The following SLMAP variants were observed in gnomAD, a reference collection of about 807,000 sequenced individuals.
SLMAP encodes the protein sarcolemmal membrane-associated protein.
A neutral mutation model predicts 128.8 loss-of-function variants in SLMAP; 44 were observed. The observed-to-expected ratio is 0.34, with a 90% CI of 0.27 to 0.44. The LOEUF (loss-of-function observed/expected upper bound fraction) is 0.44, where lower values mean the gene tolerates loss of function less well. Among genes scored for constraint, SLMAP ranks in the 20% least tolerant of loss-of-function variants. The pLI is 1.00. For missense variants in SLMAP, 787 were observed against 985.3 expected (o/e 0.80, Z 2.69); for synonymous variants, 327 against 348.8 (o/e 0.94, Z 0.70).
At chr3:57,843,410 A>G (rs1352162705) in intron 4 of SLMAP, among the ~76,000 whole-genome samples, 1 of 144,890 alleles carries the variant, frequency 6.9e-6, no homozygotes, top group Non-Finnish European at 1.5e-5. Flanking sequence ...GGTTCAAGCA[A>G]TTCTTGTGCC....
chr3:57,925,972 C>G (rs2097000413), intron 24 of SLMAP, 38 bp downstream of exon 24: 8 of 1,435,080 alleles, frequency 5.6e-6, no homozygotes, highest in Non-Finnish European at 7.7e-6. Context: ...CTGTTTGTCC[C>G]CGTCACCTTT....
chr3:57,821,671 C>T (rs1186528152), intron 2 of SLMAP, among the ~76,000 whole-genome samples: 2 of 152,120 alleles, frequency 1.3e-5, no homozygotes, highest in Admixed American at 6.5e-5. Flanking sequence ...TGGTGACTCC[C>T]ACTGCAGTTC....
intron 3 of SLMAP, 146 bp downstream of exon 3, chr3:57,831,676 T>G (rs1238229840): frequency 2.0e-6 from 1 of 496,762 alleles, no homozygotes. Flanking sequence ...AAAAGTCTCA[T>G]ACTTTCCGTA....
intron 2 of SLMAP, among the ~76,000 whole-genome samples, chr3:57,804,381 A>C (rs1483339324): frequency 6.6e-6 from 1 of 152,238 alleles, no homozygotes; most frequent in African/African-American, 2.4e-5. Flanking sequence ...GTGATGATTA[A>C]GAAGTCAGGA....
At chr3:57,872,263 T>C (rs762734456) in intron 14 of SLMAP, among the ~76,000 whole-genome samples, 46 of 150,886 alleles carry the variant, frequency 3.0e-4, no homozygotes, top group African/African-American at 1.0e-3. Flanking sequence ...GATCGCACCA[T>C]TGCACTCCAG....
At chr3:57,779,945 T>A (rs2082674121) in intron 2 of SLMAP, among the ~76,000 whole-genome samples, 1 of 152,066 alleles carries the variant, frequency 6.6e-6, no homozygotes, top group East Asian at 1.9e-4. Flanking sequence ...ACTTTTTTTT[T>A]ATTGTTTCAT....
At chr3:57,791,456 G>A (rs2085437655) in intron 2 of SLMAP, among the ~76,000 whole-genome samples, 1 of 152,104 alleles carries the variant, frequency 6.6e-6, no homozygotes, top group African/African-American at 2.4e-5. Context: ...AAGCATGTAT[G>A]TCAAAACCCA....
intron 2 of SLMAP, among the ~76,000 whole-genome samples, chr3:57,823,884 G>T (rs2092725414): frequency 6.6e-6 from 1 of 152,146 alleles, no homozygotes; most frequent in African/African-American, 2.4e-5. Context: ...AGCACCTGTT[G>T]TTTCCTGACA....
intron 2 of SLMAP, among the ~76,000 whole-genome samples, chr3:57,763,278 T>G (rs1275315848): frequency 7.2e-6 from 1 of 138,842 alleles, no homozygotes; most frequent in African/African-American, 2.8e-5. Context: ...TTAGTGCATC[T>G]TTTTTTTTTT....
intron 15 of SLMAP, among the ~76,000 whole-genome samples, chr3:57,893,476 C>T (rs1426507636): frequency 6.6e-6 from 1 of 151,686 alleles, no homozygotes; most frequent in Non-Finnish European, 1.5e-5. Flanking sequence ...TCTCTGCCAT[C>T]AGGGAGTTAT....
chr3:57,859,452 G>A (rs1464651687), intron 8 of SLMAP, among the ~76,000 whole-genome samples: 5 of 152,076 alleles, frequency 3.3e-5, no homozygotes, highest in Admixed American at 1.3e-4. Context: ...CTACTCGGGA[G>A]GCTTAGGTGG....
intron 8 of SLMAP, among the ~76,000 whole-genome samples, chr3:57,859,346 G>A (rs943779837): frequency 7.5e-4 from 114 of 151,390 alleles, no homozygotes; most frequent in Non-Finnish European, 2.7e-4. Flanking sequence ...AAAAGCGGGG[G>A]CAGTTTGAGA....
intron 2 of SLMAP, 82 bp downstream of exon 2, chr3:57,757,931 C>T (rs2077886864): frequency 1.7e-6 from 2 of 1,207,428 alleles, no homozygotes; most frequent in African/African-American, 1.5e-5. Flanking sequence ...CTAATGTATG[C>T]AGGATCCCAG....
Position 57,865,317 on chromosome 3 carries a change from A to G in SLMAP, c.1237+25A>G, listed in dbSNP as rs1054552702. The stretch of plus-strand genomic sequence containing the variant: ...GGTAGTGTAAAAAACTTAAATATAT[A>G]TATACTTTTTATGATATCATTTTAG... On this transcript the variant is annotated intron_variant, in intron 13 of 24. Transcript: ENST00000671191. 9.0e-6 allele frequency: 9 copies of G among 1,003,212 alleles called. No homozygotes were observed. The Admixed American group carries it at 9.4e-5, about 10-fold the overall frequency. The allele number at this position is 1,003,212 out of a possible 1,614,324, so 62.1% of individuals were successfully genotyped here. A position where few individuals can be genotyped will look rare whatever the true frequency, so the allele number is the denominator to read the frequency against.
intron 2 of SLMAP, among the ~76,000 whole-genome samples, chr3:57,768,106 T>C (rs886918716): frequency 3.9e-5 from 6 of 152,232 alleles, no homozygotes; most frequent in Admixed American, 3.3e-4. Flanking sequence ...TTTGGCCATG[T>C]ACATTTTTCA....
intron 19 of SLMAP, among the ~76,000 whole-genome samples, chr3:57,911,858 G>T (rs760028812): frequency 7.0e-6 from 1 of 143,790 alleles, no homozygotes; most frequent in Non-Finnish European, 1.5e-5. Flanking sequence ...AATCAAGGGC[G>T]TCAACTGTTT....
intron 21 of SLMAP, among the ~76,000 whole-genome samples, chr3:57,913,999 A>G (rs2096756488): frequency 6.6e-6 from 1 of 152,114 alleles, no homozygotes; most frequent in Non-Finnish European, 1.5e-5. Context: ...CTACTGAAAG[A>G]TATAAATTAA....
chr3:57,839,567 G>A lies in SLMAP; in HGVS notation c.347-1732G>A, dbSNP rs577125058. Among the ~76,000 whole-genome samples the A allele has an allele frequency of 5.2e-4, 77 of 148,968 alleles. No homozygotes were observed. The South Asian group carries it at 0.013, about 25-fold the overall frequency. On this transcript the variant is annotated intron_variant, in intron 3 of 24. Coordinates refer to ENST00000671191, the MANE Select transcript of SLMAP (RefSeq NM_001377540.1). Reference sequence around the variant, plus strand: ...GCAGTTCTGCTGGCCTCAGCCTCCCGAGTAGCTGGGATTGCAGGCACCTGC... The same window carrying A: ...GCAGTTCTGCTGGCCTCAGCCTCCCAAGTAGCTGGGATTGCAGGCACCTGC...
At chr3:57,828,206 G>A (rs1352960258) in intron 2 of SLMAP, among the ~76,000 whole-genome samples, 1 of 152,096 alleles carries the variant, frequency 6.6e-6, no homozygotes, top group African/African-American at 2.4e-5. Flanking sequence ...TGATCCACCC[G>A]CTTTGGCCTC....
Sources: allele counts gnomAD v4.1 joint callset (sites outside exome capture counted in the v4.1 genomes callset), GRCh38; gene constraint gnomAD v4.1.1; transcripts MANE v1.5; gene names NCBI Gene and HGNC (gene_info 2026-07-23, HGNC 2026-07-21).